The following ARMH4 variants were observed in gnomAD, a reference collection of about 807,000 sequenced individuals.
The protein encoded by ARMH4 is armadillo like helical domain containing 4.
Under a neutral mutation model 61.9 loss-of-function variants are expected in ARMH4, and 49 were observed. The observed-to-expected ratio is 0.79, with a 90% confidence interval of 0.63 to 1.00. ARMH4 has a LOEUF of 1.00. ARMH4 is among the 50% of genes least tolerant of loss of function. ARMH4 has a pLI of 0.00. For synonymous variants in ARMH4, 368 were observed against 341.5 expected, an observed-to-expected ratio of 1.08 and a Z score of -0.85; for missense variants, 934 against 930.0, an observed-to-expected ratio of 1.00 and a Z score of -0.06.
chr14:58,129,203 GGAA>G (rs1324144637), intron 4 of ARMH4, among the ~76,000 whole-genome samples: 47 of 152,294 alleles, frequency 3.1e-4, no homozygotes, highest in African/African-American at 1.0e-3. Flanking sequence ...TGAGAAGCAG[GGAA>G]GAAGACAGGG....
chr14:58,034,652 GA>G (rs1292916615), intron 5 of ARMH4, among the ~76,000 whole-genome samples: 1 of 38,696 alleles, frequency 2.6e-5, no homozygotes, highest in African/African-American at 1.0e-4. Flanking sequence ...CTGTATTCAG[GA>G]AACCCATCTC....
At chr14:58,089,685 G>T (rs1012292796) in intron 5 of ARMH4, among the ~76,000 whole-genome samples, 2 of 152,196 alleles carry the variant, frequency 1.3e-5, no homozygotes, top group Non-Finnish European at 2.9e-5. Context: ...CTGAAGACAC[G>T]TATCAATGCA....
Position 58,138,604 on chromosome 14 carries a change from G to A in ARMH4, c.755C>T (p.Pro252Leu), listed in dbSNP as rs1174805609. 1 of 1,614,176 alleles carries A rather than the reference G, an allele frequency of 6.2e-7. No individual in the cohort carries two copies. The highest frequency in any genetic ancestry group is 1.7e-5 in the Admixed American group (1 of 60,022). ...CATCTGCGAAGGCTTCTCCTTATCAGGGGTGAGGCTTCCAGGCTCACTGCC... is the reference window on the plus strand; with the variant it reads ...CATCTGCGAAGGCTTCTCCTTATCAAGGGTGAGGCTTCCAGGCTCACTGCC... ...TAGSEPGSLT[P>L]DKEKPSQMTA... Residue 252 changes from proline (P) to leucine (L), a missense_variant, in exon 2 of 8, where the codon CCT (proline) becomes CTT (leucine). Physicochemically the swap from Pro to Leu is moderately conservative, Grantham distance 98 (BLOSUM62 -3). Coordinates refer to ENST00000267485, the MANE Select transcript of ARMH4 (RefSeq NM_001001872.4).
chr14:58,014,865 T>G (rs1056149853), intron 5 of ARMH4, among the ~76,000 whole-genome samples: 6 of 152,224 alleles, frequency 3.9e-5, no homozygotes, highest in African/African-American at 1.4e-4. Context: ...CCACCAACCT[T>G]TGAAGCAAGA....
chr14:58,091,367 A>G (rs1885559131), intron 5 of ARMH4, among the ~76,000 whole-genome samples: 1 of 152,206 alleles, frequency 6.6e-6, no homozygotes, highest in Non-Finnish European at 1.5e-5. Flanking sequence ...ATAGTAGTAG[A>G]GCAAAATGGG....
At chr14:58,029,591 G>C (rs146788035) in intron 5 of ARMH4, among the ~76,000 whole-genome samples, 1 of 151,956 alleles carries the variant, frequency 6.6e-6, no homozygotes, top group Non-Finnish European at 1.5e-5. Flanking sequence ...GGCCAATAAA[G>C]GCATGAAAAA....
At chr14:58,044,001 G>A (rs946963379) in intron 5 of ARMH4, among the ~76,000 whole-genome samples, 11 of 152,188 alleles carry the variant, frequency 7.2e-5, no homozygotes, top group Non-Finnish European at 1.5e-4. Flanking sequence ...CATGCTCATG[G>A]ATAGGAAGAA....
intron 1 of ARMH4, among the ~76,000 whole-genome samples, chr14:58,141,841 A>G (rs2139989906): frequency 6.6e-6 from 1 of 152,364 alleles, no homozygotes; most frequent in East Asian, 1.9e-4. Context: ...CAGGCAAAAC[A>G]TGTTTCAAAA....
intron 5 of ARMH4, among the ~76,000 whole-genome samples, chr14:58,084,154 T>G (rs1276993525): frequency 6.6e-6 from 1 of 151,792 alleles, no homozygotes; most frequent in Non-Finnish European, 1.5e-5. Flanking sequence ...GAATGCAAAG[T>G]GAGAATGATG....
intron 5 of ARMH4, among the ~76,000 whole-genome samples, chr14:58,015,211 C>A (rs1426535547): frequency 6.6e-6 from 1 of 152,192 alleles, no homozygotes; most frequent in Non-Finnish European, 1.5e-5. Context: ...AAATTCTCCA[C>A]TGAAGGCAAG....
At chr14:58,038,519 A>G (rs8016820) in intron 5 of ARMH4, among the ~76,000 whole-genome samples, 29,249 of 134,288 alleles carry the variant, frequency 0.22, 3,555 homozygotes, top group Non-Finnish European at 0.28. Context: ...AACCTGCACA[A>G]TGTGCACATG....
chr14:58,032,672 T>C (rs1272839042), intron 5 of ARMH4, among the ~76,000 whole-genome samples: 2 of 151,712 alleles, frequency 1.3e-5, no homozygotes, highest in African/African-American at 4.8e-5. Flanking sequence ...TGCCAGACAG[T>C]GGGCGCAGGC....
chr14:58,085,627 T>C (rs570661655), intron 5 of ARMH4, among the ~76,000 whole-genome samples: 29 of 152,294 alleles, frequency 1.9e-4, no homozygotes, highest in African/African-American at 6.0e-4. Flanking sequence ...AATGTGATTT[T>C]TTCCAATTCT....
At chr14:58,054,155 G>T (rs891323302) in intron 5 of ARMH4, among the ~76,000 whole-genome samples, 1 of 152,140 alleles carries the variant, frequency 6.6e-6, no homozygotes, top group African/African-American at 2.4e-5. Context: ...GATCTGTTGG[G>T]CCCAGAGCTC....
intron 4 of ARMH4, among the ~76,000 whole-genome samples, chr14:58,107,030 G>T (rs1330976616): frequency 1.3e-5 from 2 of 152,126 alleles, no homozygotes; most frequent in African/African-American, 4.8e-5. Flanking sequence ...TTTGCCCTAT[G>T]ACCCTGAGTA....
At chr14:58,065,020 G>A (rs1412061144) in intron 5 of ARMH4, among the ~76,000 whole-genome samples, 3 of 152,148 alleles carry the variant, frequency 2.0e-5, no homozygotes, top group Admixed American at 6.5e-5. Flanking sequence ...GAGGCGGGCA[G>A]ATCACGAGGC....
chr14:58,086,510 G>T (rs759146229), intron 5 of ARMH4, among the ~76,000 whole-genome samples: 13 of 152,058 alleles, frequency 8.5e-5, no homozygotes, highest in Non-Finnish European at 1.6e-4. Flanking sequence ...CTCAGTACCT[G>T]ATCAGTTACC....
chr14:58,073,014 G>T (rs1218731151), intron 5 of ARMH4, among the ~76,000 whole-genome samples: 1 of 152,158 alleles, frequency 6.6e-6, no homozygotes, highest in East Asian at 1.9e-4. Flanking sequence ...CTCCTTGGGG[G>T]CTTGCTCAAA....
chr14:58,141,699 T>C, intron 1 of ARMH4: 1 of 316,292 alleles, frequency 3.2e-6, no homozygotes, highest in Non-Finnish European at 6.0e-6. Flanking sequence ...AGCAGCCTTC[T>C]GCCCAGGCCC....
Sources: gnomAD v4.1 joint callset for allele counts (sites outside exome capture counted in the v4.1 genomes callset) on GRCh38, gnomAD v4.1.1 for gene constraint, MANE v1.5 for transcripts, NCBI Gene and HGNC (gene_info 2026-07-23, HGNC 2026-07-21) for gene names.